The following NBAS variants were observed in gnomAD, a reference collection of about 807,000 sequenced individuals.
NBAS encodes NAG/BC035112 fusion.
A neutral mutation model predicts 302.5 loss-of-function variants in NBAS; 219 were observed. That is an observed-to-expected ratio of 0.72 (90% CI 0.65 to 0.81). The LOEUF is 0.81. Ranked by LOEUF, NBAS falls within the 30% of genes least tolerant of loss-of-function variation. The pLI, the probability that NBAS is intolerant of heterozygous loss-of-function variation, is 0.00. For synonymous variants in NBAS, 1,118 were observed against 1,021.6 expected (o/e 1.09, Z -1.80); for missense variants, 2,932 against 2,841.6 (o/e 1.03, Z -0.72).
At chr2:15,141,707 G>A in the NBAS span, among the ~76,000 whole-genome samples, 1 of 151,282 alleles carries the variant, frequency 6.6e-6, no homozygotes, top group Non-Finnish European at 1.5e-5. Flanking sequence ...TTTGTTTTTT[G>A]TTTTTACCGT....
At position 15,474,150 on chromosome 2, in the gene NBAS, G is replaced by A. The variant is rs372517600; in HGVS notation, c.1516C>T (p.Arg506Trp). 15 of 1,614,004 alleles carry A rather than the reference G, an allele frequency of 9.3e-6. No homozygotes were observed. Among genetic ancestry groups the A allele is most frequent in the African/African-American group, 2.7e-5 (2 of 74,900 alleles). ...TTAGTAATGGTTCGTGGGCGTTTCC[G>A]TGGTGGTGCAAATCGCTCCATTTCA... is the stretch of plus-strand genomic sequence containing the variant. ...VTEMERFAPP[R>W]KRPRTITKNY... The change falls in exon 15 of 52, where the codon CGG becomes TGG. Residue 506 changes from arginine to tryptophan, a missense_variant. By Grantham distance (101) the Arg-to-Trp change is moderately radical (BLOSUM62 -3). Coordinates refer to ENST00000281513, the MANE Select transcript of NBAS (RefSeq NM_015909.4).
chr2:15,179,659 T>C (rs1243313595), intron 50 of NBAS: 1 of 156,676 alleles, frequency 6.4e-6, no homozygotes, highest in Non-Finnish European at 1.4e-5. Context: ...TTAAAATGTA[T>C]CTATCATTTT....
chr2:14,780,464 A>C, the NBAS span, among the ~76,000 whole-genome samples: 1 of 152,220 alleles, frequency 6.6e-6, no homozygotes, highest in Non-Finnish European at 1.5e-5. Context: ...TGATTTAAAG[A>C]GCTAAGACTT....
At chr2:15,226,741 G>A (rs1667166258) in intron 47 of NBAS, among the ~76,000 whole-genome samples, 1 of 152,194 alleles carries the variant, frequency 6.6e-6, no homozygotes, top group South Asian at 2.1e-4. Flanking sequence ...TAAAGGAAGA[G>A]GAAAAGAGAG....
chr2:15,210,172 A>G (rs1286081849), intron 48 of NBAS, among the ~76,000 whole-genome samples: 1 of 152,162 alleles, frequency 6.6e-6, no homozygotes, highest in East Asian at 1.9e-4. Flanking sequence ...GAAACAATCA[A>G]CAAAGTGAAG....
At chr2:15,465,168 C>A (rs528325157) in intron 19 of NBAS, among the ~76,000 whole-genome samples, 21 of 152,296 alleles carry the variant, frequency 1.4e-4, no homozygotes, top group Admixed American at 5.2e-4. Flanking sequence ...TATTTACTGA[C>A]CTCTTCAATG....
the NBAS span, among the ~76,000 whole-genome samples, chr2:14,981,656 A>T: frequency 1.3e-5 from 2 of 152,204 alleles, no homozygotes; most frequent in African/African-American, 2.4e-5. Flanking sequence ...GATGGGGCAG[A>T]CGTGACTTGT....
intron 21 of NBAS, among the ~76,000 whole-genome samples, chr2:15,444,769 A>G (rs1222106714): frequency 3.9e-5 from 6 of 152,104 alleles, no homozygotes; most frequent in Non-Finnish European, 7.4e-5. Context: ...ACAAAGGGCT[A>G]ATATCCAGAA....
chr2:15,445,086 A>G (rs1678653885), intron 21 of NBAS, among the ~76,000 whole-genome samples: 2 of 151,814 alleles, frequency 1.3e-5, no homozygotes, highest in Non-Finnish European at 2.9e-5. Context: ...CCACTGTGGA[A>G]GTCAGTGTGG....
chr2:15,226,150 T>C (rs1173341164), intron 47 of NBAS, among the ~76,000 whole-genome samples: 1 of 152,216 alleles, frequency 6.6e-6, no homozygotes, highest in Non-Finnish European at 1.5e-5. Flanking sequence ...AATGCATACC[T>C]CTCTGAGCTT....
At chr2:15,328,044 G>C (rs570360637) in intron 37 of NBAS, among the ~76,000 whole-genome samples, 155 bp downstream of exon 37, 1 of 152,058 alleles carries the variant, frequency 6.6e-6, no homozygotes, top group South Asian at 2.1e-4. Context: ...TCTCATAATG[G>C]TCATAATATA....
At chr2:14,974,385 G>A in the NBAS span, among the ~76,000 whole-genome samples, 1 of 152,214 alleles carries the variant, frequency 6.6e-6, no homozygotes, top group African/African-American at 2.4e-5. Flanking sequence ...ATGGCATGGG[G>A]CCAGAGAAAA....
the NBAS span, among the ~76,000 whole-genome samples, chr2:15,056,327 T>C: frequency 6.6e-6 from 1 of 152,228 alleles, no homozygotes; most frequent in Non-Finnish European, 1.5e-5. Flanking sequence ...TGTCCTTCTC[T>C]ACAGGAAATA....
At chr2:15,497,818 T>C (rs558231804) in intron 11 of NBAS, among the ~76,000 whole-genome samples, 1 of 152,298 alleles carries the variant, frequency 6.6e-6, no homozygotes, top group East Asian at 1.9e-4. Context: ...ACACATTTAA[T>C]TTGCTCCTAG....
chr2:15,202,997 T>C (rs1388691581), intron 48 of NBAS, among the ~76,000 whole-genome samples: 1 of 152,214 alleles, frequency 6.6e-6, no homozygotes, highest in Non-Finnish European at 1.5e-5. Context: ...TGTCACTTAA[T>C]AGCTGTGTGA....
chr2:15,320,430 T>A (rs1382081275), intron 38 of NBAS, among the ~76,000 whole-genome samples: 2 of 152,178 alleles, frequency 1.3e-5, no homozygotes, highest in Non-Finnish European at 2.9e-5. Flanking sequence ...ATAAAGGGTA[T>A]TCAATTAGGA....
the NBAS span, among the ~76,000 whole-genome samples, chr2:14,927,264 C>T: frequency 6.6e-6 from 1 of 152,204 alleles, no homozygotes; most frequent in African/African-American, 2.4e-5. Context: ...TCTATAAATA[C>T]ACATCCTATT....
At chr2:15,258,650 A>T (rs55813918) in intron 44 of NBAS, among the ~76,000 whole-genome samples, 31,893 of 151,992 alleles carry the variant, frequency 0.21, 4,215 homozygotes, top group East Asian at 0.6. Flanking sequence ...CGCCCTGGTA[A>T]ATTTGAGGTC....
At chr2:15,284,326 T>C (rs1024650797) in intron 42 of NBAS, among the ~76,000 whole-genome samples, 36 of 152,202 alleles carry the variant, frequency 2.4e-4, no homozygotes, top group Non-Finnish European at 4.4e-5. Context: ...TTTGTATTAC[T>C]CCTTGCTTAA....
Sources: gnomAD v4.1 joint callset for allele counts (sites outside exome capture counted in the v4.1 genomes callset) on GRCh38, gnomAD v4.1.1 for gene constraint, MANE v1.5 for transcripts, NCBI Gene and HGNC (gene_info 2026-07-23, HGNC 2026-07-21) for gene names.